The following RBFOX1 variants were observed in gnomAD, a reference collection of about 807,000 sequenced individuals.
RBFOX1 encodes the protein RNA binding fox-1 homolog 1.
Under a neutral mutation model 57.7 loss-of-function variants are expected in RBFOX1, and 8 were observed. The observed-to-expected ratio is 0.14, with a 90% CI of 0.08 to 0.25. The LOEUF (loss-of-function observed/expected upper bound fraction) is 0.25, where lower values mean the gene tolerates loss of function less well. RBFOX1 is among the 10% of genes least tolerant of loss of function. The pLI is 1.00. For missense variants in RBFOX1, 611 were observed against 548.5 expected (o/e 1.11, Z -1.14); for synonymous variants, 326 against 222.4 (o/e 1.47, Z -4.15).
At chr16:6,451,890 C>A (rs2094634572) in intron 2 of RBFOX1, among the ~76,000 whole-genome samples, 1 of 148,894 alleles carries the variant, frequency 6.7e-6, no homozygotes, top group South Asian at 2.2e-4. Flanking sequence ...CCATCCATGG[C>A]CACTCCCTCC....
At chr16:5,628,715 A>G (rs910099375) in intron 3 of RBFOX1, among the ~76,000 whole-genome samples, 7 of 152,232 alleles carry the variant, frequency 4.6e-5, no homozygotes, top group Non-Finnish European at 7.3e-5. Flanking sequence ...CAGGGTTGAC[A>G]TAGCAGTCTC....
chr16:5,792,563 C>G (rs1474423893), intron 3 of RBFOX1, among the ~76,000 whole-genome samples: 1 of 152,226 alleles, frequency 6.6e-6, no homozygotes, highest in Non-Finnish European at 1.5e-5. Flanking sequence ...ATAAATATGG[C>G]TGGGTGCAGT....
intron 1 of RBFOX1, among the ~76,000 whole-genome samples, chr16:5,273,224 A>G (rs1347058493): frequency 2.9e-5 from 4 of 137,748 alleles, no homozygotes; most frequent in African/African-American, 1.1e-4. Flanking sequence ...ATTGCTTTCA[A>G]TTTTTTTTTT....
At chr16:6,718,359 A>T (rs1430115671) in intron 3 of RBFOX1, among the ~76,000 whole-genome samples, 1 of 152,204 alleles carries the variant, frequency 6.6e-6, no homozygotes, top group Non-Finnish European at 1.5e-5. Context: ...TGGGAGAGAT[A>T]GATGATAAGG....
chr16:6,709,872 G>C (rs919561027), intron 3 of RBFOX1, among the ~76,000 whole-genome samples: 2 of 152,192 alleles, frequency 1.3e-5, no homozygotes, highest in South Asian at 2.1e-4. Flanking sequence ...GGAGGCTGGA[G>C]AGGGAACGGC....
chr16:7,647,926 C>A (rs1328796675), intron 11 of RBFOX1, among the ~76,000 whole-genome samples: 1 of 152,154 alleles, frequency 6.6e-6, no homozygotes, highest in African/African-American at 2.4e-5. Context: ...GGTTCTCTTT[C>A]TATGTGGTCA....
chr16:5,379,185 A>G (rs916451690), intron 1 of RBFOX1, among the ~76,000 whole-genome samples: 1 of 151,716 alleles, frequency 6.6e-6, no homozygotes, highest in African/African-American at 2.4e-5. Flanking sequence ...ATCTCAAGGC[A>G]CTGACGGGGA....
intron 3 of RBFOX1, among the ~76,000 whole-genome samples, chr16:5,781,372 C>T (rs1037881601): frequency 1.3e-5 from 2 of 152,122 alleles, no homozygotes; most frequent in Non-Finnish European, 2.9e-5. Context: ...CAATGGATTG[C>T]TATTAGAGGT....
At chr16:6,035,242 C>A (rs560465619) in intron 1 of RBFOX1, among the ~76,000 whole-genome samples, 1 of 152,318 alleles carries the variant, frequency 6.6e-6, no homozygotes, top group South Asian at 2.1e-4. Flanking sequence ...TGTAGCATAA[C>A]ACCAGAGACA....
chr16:6,414,317 T>C (rs930377317), intron 2 of RBFOX1, among the ~76,000 whole-genome samples: 4 of 152,232 alleles, frequency 2.6e-5, no homozygotes, highest in African/African-American at 7.2e-5. Context: ...ATATGCAATT[T>C]CCCAGTCCTC....
At chr16:6,171,411 A>T (rs941159627) in intron 1 of RBFOX1, among the ~76,000 whole-genome samples, 1 of 152,188 alleles carries the variant, frequency 6.6e-6, no homozygotes. Flanking sequence ...GATTTAGAGA[A>T]TGCCTCAAAG....
At chr16:5,875,487 C>T (rs1170318543) in intron 4 of RBFOX1, among the ~76,000 whole-genome samples, 1 of 152,152 alleles carries the variant, frequency 6.6e-6, no homozygotes, top group African/African-American at 2.4e-5. Flanking sequence ...AACCTTATGG[C>T]TTATTCTGAG....
At chr16:5,957,276 A>G (rs1047359360) in intron 4 of RBFOX1, among the ~76,000 whole-genome samples, 5 of 152,056 alleles carry the variant, frequency 3.3e-5, no homozygotes, top group African/African-American at 9.7e-5. Flanking sequence ...GTGCAGTGGC[A>G]TGATCTCAGC....
chr16:6,506,725 G>A (rs536231000), intron 2 of RBFOX1, among the ~76,000 whole-genome samples: 2 of 136,864 alleles, frequency 1.5e-5, no homozygotes, highest in East Asian at 2.4e-4. Context: ...TTGGCTTACC[G>A]CAACTTCTGC....
intron 4 of RBFOX1, among the ~76,000 whole-genome samples, chr16:7,493,095 T>A (rs1281259740): frequency 1.3e-5 from 2 of 152,110 alleles, no homozygotes; most frequent in Non-Finnish European, 2.9e-5. Flanking sequence ...GTCAGGCTGG[T>A]CTCAAACTCC....
intron 3 of RBFOX1, among the ~76,000 whole-genome samples, chr16:6,764,529 A>T (rs2077060140): frequency 6.6e-6 from 1 of 152,188 alleles, no homozygotes. Context: ...TCAATGTTGG[A>T]GCAACAACAG....
At chr16:6,587,930 T>C (rs2097653292) in intron 2 of RBFOX1, among the ~76,000 whole-genome samples, 1 of 152,156 alleles carries the variant, frequency 6.6e-6, no homozygotes, top group African/African-American at 2.4e-5. Context: ...ATGCTTCTCT[T>C]AAAAACAAGG....
chr16:5,621,471 CT>C (rs2151282104), intron 3 of RBFOX1, among the ~76,000 whole-genome samples: 1 of 152,222 alleles, frequency 6.6e-6, no homozygotes, highest in African/African-American at 2.4e-5. Flanking sequence ...GTAGATACCG[CT>C]GTCAGTCATT....
At chr16:5,681,429 T>C (rs2050334436) in intron 3 of RBFOX1, among the ~76,000 whole-genome samples, 3 of 143,494 alleles carry the variant, frequency 2.1e-5, no homozygotes, top group South Asian at 4.5e-4. Flanking sequence ...TCTCTTGTTG[T>C]CCAGCCTGGA....
Sources: allele counts gnomAD v4.1 joint callset (sites outside exome capture counted in the v4.1 genomes callset), GRCh38; gene constraint gnomAD v4.1.1; transcripts MANE v1.5; gene names NCBI Gene and HGNC (gene_info 2026-07-23, HGNC 2026-07-21).